KRT73: variants seen among roughly 807,000 people sequenced by gnomAD.
KRT73 encodes keratin, type II cytoskeletal 73.
A neutral mutation model predicts 47.2 loss-of-function variants in KRT73; 44 were observed. That is an observed-to-expected ratio of 0.93 (90% confidence interval 0.73 to 1.20). The LOEUF (loss-of-function observed/expected upper bound fraction) is 1.20. Ranked by LOEUF, KRT73 falls within the 50% of genes most tolerant of loss-of-function variation. KRT73 has a pLI of 0.00. For synonymous variants in KRT73, 285 were observed against 291.3 expected, an observed-to-expected ratio of 0.98 and a Z score of 0.22; for missense variants, 713 against 704.5, an observed-to-expected ratio of 1.01 and a Z score of -0.14.
At chr12:52,624,246 G>T in the KRT73 span, among the ~76,000 whole-genome samples, 1 of 151,908 alleles carries the variant, frequency 6.6e-6, no homozygotes, top group East Asian at 1.9e-4. Flanking sequence ...AAACAAAAGA[G>T]TTGCAAAATA....
In KRT73 at chr12:52,608,079, C is replaced by CAGCAA. The variant is rs1444642172; in HGVS notation, c.*112_*116dup. On this transcript the variant is annotated 3_prime_UTR_variant, in exon 9 of 9. Transcript: ENST00000305748. Reference sequence around the variant, plus strand: ...GTCAAGGAGAAGGAGGAGAGGTCCACAGCAAAGCAAAGCAAGAAGGAGATG... The same window carrying CAGCAA: ...GTCAAGGAGAAGGAGGAGAGGTCCACAGCAAAGCAAAGCAAAGCAAGAAGGAGATG... The CAGCAA allele has an allele frequency of 6.1e-6, 7 of 1,152,310 alleles. No homozygotes were observed. The highest frequency in any genetic ancestry group is 3.1e-5 in the South Asian group (2 of 63,616). 71.4% of individuals were successfully genotyped at this position (1,152,310 alleles called of 1,614,324 possible). A position where few individuals can be genotyped will look rare whatever the true frequency, so the allele number is the denominator to read the frequency against.
the KRT73 span, among the ~76,000 whole-genome samples, chr12:52,627,659 C>T: frequency 6.6e-6 from 1 of 152,158 alleles, no homozygotes; most frequent in African/African-American, 2.4e-5. Context: ...GATAATAGTC[C>T]TCCTAGCAAT....
At chr12:52,615,096 A>G in intron 3 of KRT73, 183 bp downstream of exon 3, 2 of 567,500 alleles carry the variant, frequency 3.5e-6, no homozygotes, top group Admixed American at 3.1e-5. Context: ...TCCACAGACA[A>G]AGTACTGTGT....
chr12:52,623,178 G>A (rs544096749), upstream of KRT73, among the ~76,000 whole-genome samples: 3 of 152,270 alleles, frequency 2.0e-5, no homozygotes, highest in South Asian at 6.2e-4. Flanking sequence ...TTCATACCTA[G>A]ACATATTATA....
At chr12:52,611,486 G>C in intron 5 of KRT73, 157 bp from the exon 6 acceptor site, 1 of 796,152 alleles carries the variant, frequency 1.3e-6, no homozygotes, top group Non-Finnish European at 2.0e-6. Context: ...AAAGCATTGG[G>C]CCATTGCATT....
the KRT73 span, among the ~76,000 whole-genome samples, chr12:52,629,989 C>T: frequency 2.0e-5 from 3 of 152,286 alleles, no homozygotes; most frequent in Middle Eastern, 3.4e-3. Flanking sequence ...TCAATACAGC[C>T]GTGCCTGGAC....
Position 52,614,566 on chromosome 12 carries a change from G to A in KRT73, c.819+13C>T. The A allele has an allele frequency of 6.2e-7, 1 of 1,607,832 alleles. No individual in the cohort carries two copies. Reference sequence around the variant, plus strand: ...AGAAGACAGAGCCAGAGGTGGGGCAGGGGGAGCCTTACCCCCTCGTACAGA... The same window carrying A: ...AGAAGACAGAGCCAGAGGTGGGGCAAGGGGAGCCTTACCCCCTCGTACAGA... On this transcript the variant is annotated intron_variant, in intron 4 of 8. Transcript: ENST00000305748.
At chr12:52,611,358 A>C in intron 5 of KRT73, 29 bp from the exon 6 acceptor site, 1 of 1,613,504 alleles carries the variant, frequency 6.2e-7, no homozygotes, top group Non-Finnish European at 8.5e-7. Flanking sequence ...AAGCAAGAAC[A>C]CTGACTCAGG....
At chr12:52,620,118 T>C (rs1940878618), upstream of KRT73, among the ~76,000 whole-genome samples, 1 of 145,200 alleles carries the variant, frequency 6.9e-6, no homozygotes, top group Non-Finnish European at 1.5e-5. Flanking sequence ...TCTTTTTTTT[T>C]TTTTTTTTTT....
chr12:52,613,373 C>T (rs1263608056), intron 5 of KRT73: 2 of 247,506 alleles, frequency 8.1e-6, no homozygotes, highest in African/African-American at 2.2e-5. Context: ...GGCTTCTCCC[C>T]TCCAGACAGA....
At chr12:52,620,727 G>C (rs1480490340), upstream of KRT73, among the ~76,000 whole-genome samples, 2 of 151,964 alleles carry the variant, frequency 1.3e-5, no homozygotes, top group African/African-American at 4.8e-5. Flanking sequence ...TTCTCATCTT[G>C]TGAACCTGCC....
At chr12:52,622,249 C>T (rs1446405215), upstream of KRT73, among the ~76,000 whole-genome samples, 1 of 151,574 alleles carries the variant, frequency 6.6e-6, no homozygotes, top group Admixed American at 6.6e-5. Flanking sequence ...TAAGAACATG[C>T]TAAATAGATG....
the KRT73 span, among the ~76,000 whole-genome samples, chr12:52,626,985 C>G: frequency 6.6e-6 from 1 of 152,184 alleles, no homozygotes; most frequent in African/African-American, 2.4e-5. Flanking sequence ...TCTGCAAGCT[C>G]CACCAGACTG....
At chr12:52,627,074 C>T in the KRT73 span, among the ~76,000 whole-genome samples, 8 of 152,232 alleles carry the variant, frequency 5.3e-5, no homozygotes, top group East Asian at 1.5e-3. Flanking sequence ...ACTTATGTGC[C>T]CAGCACTGCT....
the KRT73 span, among the ~76,000 whole-genome samples, chr12:52,626,672 C>T: frequency 5.3e-5 from 8 of 151,996 alleles, no homozygotes; most frequent in Admixed American, 6.6e-5. Context: ...GGATAAGGGG[C>T]GGGGTGGGGA....
the KRT73 span, among the ~76,000 whole-genome samples, chr12:52,629,727 C>T: frequency 3.2e-4 from 48 of 152,330 alleles, no homozygotes; most frequent in South Asian, 6.0e-3. Flanking sequence ...GATCCTCTCA[C>T]GGGGCTCAGA....
chr12:52,626,304 C>A, the KRT73 span, among the ~76,000 whole-genome samples: 3 of 152,208 alleles, frequency 2.0e-5, no homozygotes, highest in Admixed American at 1.3e-4. Context: ...TAGCTAGAAC[C>A]AGGACTGGAA....
At chr12:52,616,455 G>A in intron 1 of KRT73, 75 bp from the exon 2 acceptor site, 7 of 1,559,868 alleles carry the variant, frequency 4.5e-6, no homozygotes, top group Admixed American at 1.7e-5. Context: ...CAGGAACTGT[G>A]TTTTCTTATG....
intron 8 of KRT73, 88 bp from the exon 9 acceptor site, chr12:52,608,540 C>A (rs1940633178): frequency 8.6e-7 from 1 of 1,163,360 alleles, no homozygotes; most frequent in South Asian, 1.7e-5. Flanking sequence ...GCCCCACTAG[C>A]TTAAATACCT....
Sources: allele counts gnomAD v4.1 joint callset (sites outside exome capture counted in the v4.1 genomes callset), GRCh38; gene constraint gnomAD v4.1.1; transcripts MANE v1.5; gene names NCBI Gene and HGNC (gene_info 2026-07-23, HGNC 2026-07-21).